Variants in VAV3 observed in about 807,000 individuals in gnomAD.
VAV3 encodes guanine nucleotide exchange factor VAV3.
VAV3 carries 94 observed loss-of-function variants against 131.2 expected under a neutral mutation model. The ratio of observed to expected loss-of-function variants is 0.72; its 90% CI spans 0.61 to 0.85. The LOEUF (loss-of-function observed/expected upper bound fraction) is 0.85. VAV3 is among the 40% of genes least tolerant of loss of function. The pLI, the probability that VAV3 is intolerant of heterozygous loss-of-function variation, is 0.00. For missense variants in VAV3, 939 were observed against 1,002.7 expected, an observed-to-expected ratio of 0.94 and a Z score of 0.86; for synonymous variants, 349 against 342.0, an observed-to-expected ratio of 1.02 and a Z score of -0.22.
chr1:107,832,801 C>T lies in VAV3; in HGVS notation c.321+42100G>A, dbSNP rs186802616. Among the ~76,000 whole-genome samples the T allele has an allele frequency of 9.9e-5, 15 of 152,262 alleles. 1 individual carries two copies. In the East Asian group the frequency reaches 2.7e-3, roughly 27 times the overall value. ...TGTAGAAAATGTAAGCCATTGATTA[C>T]ATTGTACAAAATGTAAACTGCTGAA... is the stretch of plus-strand genomic sequence containing the variant. On this transcript the variant is annotated intron_variant, in intron 2 of 26. Transcript: ENST00000370056.
At chr1:107,753,536 A>ATATACATATATATATATG (rs1663901878) in intron 12 of VAV3, among the ~76,000 whole-genome samples, 1 of 94,926 alleles carries the variant, frequency 1.1e-5, no homozygotes, top group Non-Finnish European at 2.3e-5. Context: ...ACGTATATAT[A>ATATACATATATATATATG]TATATATATA....
chr1:107,796,399 G>C (rs544977008), intron 2 of VAV3, among the ~76,000 whole-genome samples: 4 of 151,810 alleles, frequency 2.6e-5, no homozygotes, highest in Non-Finnish European at 5.9e-5. Context: ...CTTTTTTTAG[G>C]GATCAGTTCT....
At chr1:107,870,550 G>A (rs957650226) in intron 2 of VAV3, among the ~76,000 whole-genome samples, 6 of 152,082 alleles carry the variant, frequency 3.9e-5, no homozygotes, top group Non-Finnish European at 5.9e-5. Context: ...TTTGTTTGGT[G>A]TATAGATTGT....
rs1011579666 is a variant in VAV3 at position 107,788,030 on chromosome 1, C to T, written c.322-8538G>A. Among the ~76,000 whole-genome samples the T allele has an allele frequency of 8.5e-5, 13 of 152,110 alleles. 1 individual carries two copies. The highest frequency in any genetic ancestry group is 7.2e-4 in the Admixed American group (11 of 15,280). ...AGTAAGTGCCAGGTCTAAATCCTAT[C>T]AGTCAATTCATCCTTTTCAGACTCT... On this transcript the variant is annotated intron_variant, in intron 2 of 26. Transcript: ENST00000370056.
Position 107,892,652 on chromosome 1 carries a change from T to C in VAV3, c.205-17635A>G, listed in dbSNP as rs148895892. Among the ~76,000 whole-genome samples, 628 of 152,224 alleles carry C rather than the reference T, an allele frequency of 4.1e-3. 5 individuals are homozygous for C. The highest frequency in any genetic ancestry group is 0.014 in the African/African-American group (589 of 41,520). On this transcript the variant is annotated intron_variant, in intron 1 of 26. Coordinates refer to ENST00000370056, the MANE Select transcript of VAV3 (RefSeq NM_006113.5). ...TGATGTGGACTCCTCTCTATCTATA[T>C]ATAAAGACTACAATAAATTTGCTAC...
chr1:107,663,213 C>A (rs968054104), intron 19 of VAV3, among the ~76,000 whole-genome samples: 2 of 152,158 alleles, frequency 1.3e-5, no homozygotes, highest in Non-Finnish European at 1.5e-5. Flanking sequence ...TAAAAATATA[C>A]TTTCCCTTTG....
At chr1:107,689,510 CT>C (rs1010705944) in intron 17 of VAV3, among the ~76,000 whole-genome samples, 29 of 148,946 alleles carry the variant, frequency 1.9e-4, no homozygotes, top group African/African-American at 3.5e-4. Context: ...TTCTCTCTAG[CT>C]TTTTTTTTTC....
chr1:107,726,672 C>T (rs1401229250), intron 15 of VAV3, among the ~76,000 whole-genome samples: 1 of 152,198 alleles, frequency 6.6e-6, no homozygotes, highest in African/African-American at 2.4e-5. Context: ...TTTACTGAAT[C>T]AGCATAGACT....
chr1:107,952,545 C>T (rs1322359870), intron 1 of VAV3, among the ~76,000 whole-genome samples: 4 of 148,378 alleles, frequency 2.7e-5, no homozygotes, highest in Non-Finnish European at 5.9e-5. Flanking sequence ...GAGCCATGCA[C>T]ACACATAAAT....
intron 2 of VAV3, among the ~76,000 whole-genome samples, chr1:107,786,202 T>A (rs1665995584): frequency 6.6e-6 from 1 of 152,236 alleles, no homozygotes; most frequent in Non-Finnish European, 1.5e-5. Flanking sequence ...ATAGGTTAAA[T>A]GGATCCAAAT....
At chr1:107,823,597 G>T (rs907648279) in intron 2 of VAV3, among the ~76,000 whole-genome samples, 4 of 152,144 alleles carry the variant, frequency 2.6e-5, no homozygotes, top group Non-Finnish European at 4.4e-5. Context: ...CAGAAGAATG[G>T]CCAGTGAGGT....
At chr1:107,829,917 T>G (rs1668173913) in intron 2 of VAV3, among the ~76,000 whole-genome samples, 1 of 152,170 alleles carries the variant, frequency 6.6e-6, no homozygotes, top group Non-Finnish European at 1.5e-5. Context: ...AGAGATAAGA[T>G]ATCTGCTATT....
At chr1:107,888,864 T>C (rs1671166431) in intron 1 of VAV3, among the ~76,000 whole-genome samples, 1 of 152,156 alleles carries the variant, frequency 6.6e-6, no homozygotes, top group Non-Finnish European at 1.5e-5. Flanking sequence ...CTAATTGATA[T>C]TCTTTCTCGG....
chr1:107,791,593 A>G (rs1387853080), intron 2 of VAV3, among the ~76,000 whole-genome samples: 1 of 152,180 alleles, frequency 6.6e-6, no homozygotes, highest in Non-Finnish European at 1.5e-5. Flanking sequence ...GAAAAACACT[A>G]ATGTCTAGAC....
At chr1:107,866,111 C>A (rs1021308874) in intron 2 of VAV3, among the ~76,000 whole-genome samples, 10 of 152,158 alleles carry the variant, frequency 6.6e-5, no homozygotes, top group Non-Finnish European at 1.5e-4. Context: ...CTTCTAAAGT[C>A]CTAGGATCAA....
chr1:107,574,965 G>C (rs2820134), intron 25 of VAV3, among the ~76,000 whole-genome samples: 8,914 of 24,170 alleles, frequency 0.37, 558 homozygotes, highest in African/African-American at 0.44. Context: ...GAGTTTCTCT[G>C]TGTGTGTGTG....
chr1:107,684,809 G>C (rs1658903336), intron 18 of VAV3, among the ~76,000 whole-genome samples: 1 of 152,106 alleles, frequency 6.6e-6, no homozygotes, highest in African/African-American at 2.4e-5. Flanking sequence ...AGCATAATGA[G>C]TTACAGACTC....
intron 20 of VAV3, among the ~76,000 whole-genome samples, chr1:107,626,982 T>C (rs1328189553): frequency 6.6e-6 from 1 of 152,166 alleles, no homozygotes; most frequent in Non-Finnish European, 1.5e-5. Context: ...TTGTGTGGTC[T>C]AGAAAGGATT....
At chr1:107,943,506 C>T (rs1447126497) in intron 1 of VAV3, among the ~76,000 whole-genome samples, 1 of 152,114 alleles carries the variant, frequency 6.6e-6, no homozygotes, top group East Asian at 1.9e-4. Context: ...TTTGGGAGGC[C>T]GAGGCAGGCA....
Sources: allele counts gnomAD v4.1 joint callset (sites outside exome capture counted in the v4.1 genomes callset), GRCh38; gene constraint gnomAD v4.1.1; transcripts MANE v1.5; gene names NCBI Gene and HGNC (gene_info 2026-07-23, HGNC 2026-07-21).